GRID2: variants seen among roughly 807,000 people sequenced by gnomAD.
GRID2 encodes the protein glutamate ionotropic receptor delta type subunit 2.
Under a neutral mutation model 114.8 loss-of-function variants are expected in GRID2, and 33 were observed. The ratio of observed to expected loss-of-function variants is 0.29; its 90% CI spans 0.22 to 0.38. The LOEUF (loss-of-function observed/expected upper bound fraction) is 0.38, where lower values mean the gene tolerates loss of function less well. GRID2 is among the 10% of genes least tolerant of loss of function. The probability of loss-of-function intolerance (pLI) is 1.00; values close to 1 mark genes in which losing one functional copy is unlikely to be tolerated. For synonymous variants in GRID2, 505 were observed against 449.9 expected (o/e 1.12, Z -1.55); for missense variants, 1,184 against 1,257.7 (o/e 0.94, Z 0.89).
At chr4:93,498,392 C>G (rs1407777254) in intron 12 of GRID2, among the ~76,000 whole-genome samples, 1 of 151,826 alleles carries the variant, frequency 6.6e-6, no homozygotes, top group Non-Finnish European at 1.5e-5. Context: ...TGATTGTCTC[C>G]TAAAGGTCCC....
At chr4:93,552,970 T>C (rs1051668817) in intron 13 of GRID2, among the ~76,000 whole-genome samples, 1 of 152,162 alleles carries the variant, frequency 6.6e-6, no homozygotes, top group Admixed American at 6.6e-5. Context: ...AACTCATCCT[T>C]TTTATGGCTG....
chr4:92,867,561 G>T (rs752682561), intron 2 of GRID2, among the ~76,000 whole-genome samples: 3 of 150,972 alleles, frequency 2.0e-5, no homozygotes, highest in Non-Finnish European at 4.4e-5. Context: ...TGAATGCAGA[G>T]AGAAGTTTAG....
At chr4:92,976,177 G>A (rs1056411118) in intron 2 of GRID2, among the ~76,000 whole-genome samples, 1 of 151,942 alleles carries the variant, frequency 6.6e-6, no homozygotes, top group African/African-American at 2.4e-5. Flanking sequence ...AATAAATAAT[G>A]ATCTGGTCAA....
At chr4:93,509,402 G>T (rs984840037) in intron 12 of GRID2, among the ~76,000 whole-genome samples, 15 of 152,086 alleles carry the variant, frequency 9.9e-5, no homozygotes, top group Admixed American at 9.8e-4. Context: ...AGGAAACAAG[G>T]ATACGGCAAT....
At chr4:93,254,947 C>T (rs957099445) in intron 8 of GRID2, among the ~76,000 whole-genome samples, 7 of 151,960 alleles carry the variant, frequency 4.6e-5, no homozygotes, top group Non-Finnish European at 7.4e-5. Flanking sequence ...TTTTCCTTTC[C>T]GTGGTTGTCA....
chr4:93,616,001 T>C (rs966921493), intron 13 of GRID2, among the ~76,000 whole-genome samples: 1 of 152,182 alleles, frequency 6.6e-6, no homozygotes, highest in Non-Finnish European at 1.5e-5. Context: ...ACTTTGAAAA[T>C]GGTTTTATGA....
intron 2 of GRID2, among the ~76,000 whole-genome samples, chr4:92,860,840 C>A (rs544506047): frequency 6.6e-6 from 1 of 152,048 alleles, no homozygotes; most frequent in Admixed American, 6.6e-5. Context: ...AGTGTGAAAG[C>A]ATAAGAACAT....
chr4:93,270,223 C>T (rs982655392), intron 8 of GRID2, among the ~76,000 whole-genome samples: 1,659 of 110,610 alleles, frequency 0.015, 30 homozygotes, highest in African/African-American at 0.1. Flanking sequence ...CATACACACA[C>T]ACACACACAC....
chr4:93,364,340 C>T (rs1441701505), intron 8 of GRID2, among the ~76,000 whole-genome samples: 3 of 151,976 alleles, frequency 2.0e-5, no homozygotes, highest in African/African-American at 7.2e-5. Context: ...ATCAATTTTG[C>T]CTGTGACTTA....
intron 8 of GRID2, among the ~76,000 whole-genome samples, chr4:93,291,407 G>C (rs1753744071): frequency 6.6e-6 from 1 of 152,116 alleles, no homozygotes; most frequent in East Asian, 1.9e-4. Flanking sequence ...ATAATATGAG[G>C]AAAGCAGTAG....
intron 2 of GRID2, among the ~76,000 whole-genome samples, chr4:92,953,943 T>A (rs1752206027): frequency 6.6e-6 from 1 of 152,186 alleles, no homozygotes. Context: ...TAGAATTTTA[T>A]AAAGTCTGTT....
intron 14 of GRID2, among the ~76,000 whole-genome samples, chr4:93,757,313 C>G (rs1219826708): frequency 6.6e-6 from 1 of 152,220 alleles, no homozygotes; most frequent in Non-Finnish European, 1.5e-5. Context: ...TGGTTCTCCC[C>G]ATATTCATGC....
At chr4:92,405,386 T>C (rs996072862) in intron 1 of GRID2, among the ~76,000 whole-genome samples, 1 of 152,184 alleles carries the variant, frequency 6.6e-6, no homozygotes, top group South Asian at 2.1e-4. Context: ...GGAACTGACA[T>C]TCTATTAGCG....
At chr4:93,134,983 T>G (rs1735116618) in intron 4 of GRID2, among the ~76,000 whole-genome samples, 1 of 152,126 alleles carries the variant, frequency 6.6e-6, no homozygotes, top group Non-Finnish European at 1.5e-5. Flanking sequence ...TTTCCTATAT[T>G]TATGATAATG....
intron 10 of GRID2, among the ~76,000 whole-genome samples, chr4:93,429,665 G>A (rs1029233646): frequency 2.2e-4 from 33 of 152,064 alleles, no homozygotes; most frequent in African/African-American, 7.7e-4. Flanking sequence ...ATGGAAGAAA[G>A]CCAGAACCCA....
intron 13 of GRID2, among the ~76,000 whole-genome samples, chr4:93,543,652 GC>G (rs1362966942): frequency 6.6e-6 from 1 of 151,804 alleles, no homozygotes; most frequent in Admixed American, 6.6e-5. Flanking sequence ...GGGAGTAAGG[GC>G]AAGGGAGTGA....
At chr4:92,475,607 G>A (rs1471597494) in intron 1 of GRID2, among the ~76,000 whole-genome samples, 1 of 151,954 alleles carries the variant, frequency 6.6e-6, no homozygotes, top group Non-Finnish European at 1.5e-5. Context: ...CAGGTAGAGA[G>A]ATGCCTCCAA....
intron 10 of GRID2, among the ~76,000 whole-genome samples, chr4:93,434,199 T>C (rs1010570296): frequency 6.6e-6 from 1 of 152,200 alleles, no homozygotes; most frequent in Non-Finnish European, 1.5e-5. Flanking sequence ...TAAAACTTCC[T>C]CAGGTTCTGT....
chr4:93,209,704 C>T (rs959623566), intron 5 of GRID2, among the ~76,000 whole-genome samples: 1 of 152,032 alleles, frequency 6.6e-6, no homozygotes, highest in East Asian at 1.9e-4. Flanking sequence ...AACAAATTTA[C>T]ACTCCCACCA....
Sources: gnomAD v4.1 joint callset for allele counts (sites outside exome capture counted in the v4.1 genomes callset) on GRCh38, gnomAD v4.1.1 for gene constraint, MANE v1.5 for transcripts, NCBI Gene and HGNC (gene_info 2026-07-23, HGNC 2026-07-21) for gene names.